The following USH2A variants were observed in gnomAD, a reference collection of about 807,000 sequenced individuals.
The protein encoded by USH2A is Usher syndrome 2A (autosomal recessive, mild).
USH2A carries 443 observed loss-of-function variants against 538.9 expected under a neutral mutation model. That is an observed-to-expected ratio of 0.82 (90% CI 0.76 to 0.89). The LOEUF (loss-of-function observed/expected upper bound fraction) is 0.89. Ranked by LOEUF, USH2A falls within the 40% of genes least tolerant of loss-of-function variation. The probability of loss-of-function intolerance (pLI) is 0.00; values close to 1 mark genes in which losing one functional copy is unlikely to be tolerated. For synonymous variants in USH2A, 2,413 were observed against 2,273.5 expected (o/e 1.06, Z -1.75); for missense variants, 6,633 against 6,324.8 (o/e 1.05, Z -1.65).
intron 35 of USH2A, among the ~76,000 whole-genome samples, chr1:215,978,443 T>C (rs940678429): frequency 6.6e-6 from 1 of 152,154 alleles, no homozygotes; most frequent in African/African-American, 2.4e-5. Flanking sequence ...CATGCTCTGG[T>C]TCTCAAAGCA....
At chr1:216,083,679 A>G in intron 25 of USH2A, 93 bp from the exon 26 acceptor site, 1 of 1,274,504 alleles carries the variant, frequency 7.8e-7, no homozygotes, top group Non-Finnish European at 1.1e-6. Flanking sequence ...ACAGTCTGCC[A>G]CTGAGTAAAT....
chr1:216,365,005 A>G lies in USH2A; in HGVS notation c.732T>C (p.Gly244=), dbSNP rs576466805. ...TACCAGATGCAAAATCTGTAATTGAACCACTTAGAGTTCTTGCATTGAAAG... is the reference window on the plus strand; with the variant it reads ...TACCAGATGCAAAATCTGTAATTGAGCCACTTAGAGTTCTTGCATTGAAAG... ...HTPFNARTLS[G]SITDFASGTV... is the part of the protein sequence containing the mutation. Residue 244 remains glycine (G), a synonymous_variant, in exon 4 of 72, where the codon GGT becomes GGC. Coordinates refer to ENST00000307340, the MANE Select transcript of USH2A (RefSeq NM_206933.4). 1.2e-4 allele frequency: 192 copies of G among 1,613,640 alleles called. 2 individuals are homozygous for G. In the South Asian group the frequency reaches 2.0e-3, roughly 16 times the overall value.
intron 38 of USH2A, among the ~76,000 whole-genome samples, chr1:215,918,284 T>C (rs929454175): frequency 6.6e-6 from 1 of 152,094 alleles, no homozygotes; most frequent in Non-Finnish European, 1.5e-5. Flanking sequence ...GTCCCTCCTA[T>C]AATTCTTACG....
At chr1:215,797,858 T>C (rs1422960841) in intron 50 of USH2A, among the ~76,000 whole-genome samples, 1 of 152,168 alleles carries the variant, frequency 6.6e-6, no homozygotes, top group African/African-American at 2.4e-5. Context: ...TTTTATTATT[T>C]AAAAATACAT....
chr1:216,190,372 A>C lies in USH2A; in HGVS notation c.4252-5T>G, dbSNP rs780213943. 6 of 1,610,524 alleles carry C rather than the reference A, an allele frequency of 3.7e-6. No individual in the cohort carries two copies. In the Admixed American group the frequency reaches 1.0e-4, roughly 27 times the overall value. On this transcript the variant is annotated splice_region_variant and splice_polypyrimidine_tract_variant and intron_variant, in intron 19 of 71. Coordinates refer to ENST00000307340, the MANE Select transcript of USH2A (RefSeq NM_206933.4). The stretch of plus-strand genomic sequence containing the variant: ...GGATTTAGCAGTGTGCAACAGCTTC[A>C]AGGCAAAAAAGAAAGAAAGAAAGAA...
At chr1:216,010,398 G>A (rs1033576747) in intron 32 of USH2A, among the ~76,000 whole-genome samples, 2 of 152,086 alleles carry the variant, frequency 1.3e-5, no homozygotes, top group African/African-American at 2.4e-5. Flanking sequence ...TCACCTGGCA[G>A]CCACTCCCAG....
intron 21 of USH2A, among the ~76,000 whole-genome samples, chr1:216,126,879 T>A (rs1267381145): frequency 6.6e-6 from 1 of 152,286 alleles, no homozygotes; most frequent in East Asian, 1.9e-4. Flanking sequence ...CAAAGAAATA[T>A]GGAAAATGCT....
At chr1:216,155,343 G>T (rs1286397143) in intron 21 of USH2A, among the ~76,000 whole-genome samples, 4 of 152,104 alleles carry the variant, frequency 2.6e-5, no homozygotes. Context: ...TACTGTTCAG[G>T]AATAATGTGG....
chr1:216,252,531 A>T (rs183105699), intron 11 of USH2A, among the ~76,000 whole-genome samples: 23 of 152,354 alleles, frequency 1.5e-4, no homozygotes, highest in African/African-American at 5.5e-4. Context: ...AAGAACTATC[A>T]CTGCCTCAAT....
In USH2A at chr1:215,627,448, C is replaced by CTTT. The variant is rs1159003496; in HGVS notation, c.15519+1365_15519+1366insAAA. On this transcript the variant is annotated intron_variant, in intron 71 of 71. Coordinates refer to ENST00000307340, the MANE Select transcript of USH2A (RefSeq NM_206933.4). ...TCCTTCCTTCCTTCCTTCCTTCCTTCCTTCCTTCCTTCCTTCCTTCCTTCC... is the reference window on the plus strand; with the variant it reads ...TCCTTCCTTCCTTCCTTCCTTCCTTCTTTCTTCCTTCCTTCCTTCCTTCCTTCC... 7.2e-3 allele frequency among the ~76,000 whole-genome samples: 911 copies of CTTT among 126,672 alleles called. 46 individuals carry two copies. The highest frequency in any genetic ancestry group is 8.9e-3 in the African/African-American group (314 of 35,454). The allele number at this position is 126,672 out of a possible 152,430, so 83.1% of individuals were successfully genotyped here. A position where few individuals can be genotyped will look rare whatever the true frequency, so the allele number is the denominator to read the frequency against.
chr1:215,961,761 A>C (rs935751739), intron 37 of USH2A, among the ~76,000 whole-genome samples: 3 of 151,844 alleles, frequency 2.0e-5, no homozygotes, highest in Non-Finnish European at 4.4e-5. Flanking sequence ...GTGGGGAACA[A>C]TAAGGATTAT....
intron 8 of USH2A, among the ~76,000 whole-genome samples, chr1:216,322,324 T>C (rs1349630274): frequency 1.3e-5 from 2 of 152,110 alleles, no homozygotes; most frequent in African/African-American, 4.8e-5. Flanking sequence ...AAGTTCAGGC[T>C]GAGCACGGTG....
chr1:216,252,024 T>C (rs2102553446), intron 11 of USH2A, among the ~76,000 whole-genome samples: 1 of 152,332 alleles, frequency 6.6e-6, no homozygotes, highest in Non-Finnish European at 1.5e-5. Context: ...TATATTGTGA[T>C]AAGAAATTCC....
At chr1:216,221,620 CA>C (rs2035459488) in intron 14 of USH2A, among the ~76,000 whole-genome samples, 1 of 152,156 alleles carries the variant, frequency 6.6e-6, no homozygotes, top group Admixed American at 6.6e-5. Context: ...TTCCCAGGCA[CA>C]AATAGAGAAA....
chr1:216,310,226 C>A (rs1302758366), intron 9 of USH2A, among the ~76,000 whole-genome samples: 1 of 151,946 alleles, frequency 6.6e-6, no homozygotes, highest in East Asian at 1.9e-4. Context: ...TTTCTATATA[C>A]TTTTTACCTT....
At chr1:216,205,419 C>A (rs2035089523) in intron 16 of USH2A, among the ~76,000 whole-genome samples, 1 of 152,084 alleles carries the variant, frequency 6.6e-6, no homozygotes. Context: ...TCAGAGTTTC[C>A]ATTAACTTTA....
intron 37 of USH2A, among the ~76,000 whole-genome samples, chr1:215,943,592 G>A (rs1666689726): frequency 6.6e-6 from 1 of 152,140 alleles, no homozygotes; most frequent in Non-Finnish European, 1.5e-5. Flanking sequence ...CAGTTGCATT[G>A]CTTTCATCTG....
At chr1:215,870,362 T>A (rs1314691542) in intron 43 of USH2A, among the ~76,000 whole-genome samples, 1 of 151,660 alleles carries the variant, frequency 6.6e-6, no homozygotes, top group Non-Finnish European at 1.5e-5. Flanking sequence ...TGGCGCGATC[T>A]CAGCTCACTG....
intron 11 of USH2A, among the ~76,000 whole-genome samples, 171 bp from the exon 12 acceptor site, chr1:216,251,269 G>A (rs966270789): frequency 6.6e-6 from 1 of 151,892 alleles, no homozygotes; most frequent in Non-Finnish European, 1.5e-5. Context: ...TCAGCAGGGG[G>A]AATATACAGA....
Sources: allele counts gnomAD v4.1 joint callset (sites outside exome capture counted in the v4.1 genomes callset), GRCh38; gene constraint gnomAD v4.1.1; transcripts MANE v1.5; gene names NCBI Gene and HGNC (gene_info 2026-07-23, HGNC 2026-07-21).